Variants in RBL1 observed in about 807,000 individuals in gnomAD.
RBL1 encodes retinoblastoma-like protein 1.
RBL1 carries 82 observed loss-of-function variants against 123.0 expected under a neutral mutation model. That is an observed-to-expected ratio of 0.67 (90% CI 0.56 to 0.80). RBL1 has a LOEUF of 0.80. Among genes scored for constraint, RBL1 ranks in the 30% least tolerant of loss-of-function variants. RBL1 has a pLI of 0.00. For synonymous variants in RBL1, 405 were observed against 441.3 expected (o/e 0.92, Z 1.03); for missense variants, 1,171 against 1,299.6 (o/e 0.90, Z 1.52).
chr20:37,069,881 T>G (rs1269948276), intron 2 of RBL1, among the ~76,000 whole-genome samples: 1 of 147,530 alleles, frequency 6.8e-6, no homozygotes, highest in Non-Finnish European at 1.5e-5. Flanking sequence ...AGCCGCCCCG[T>G]CCAGGAGGTG....
intron 14 of RBL1, among the ~76,000 whole-genome samples, chr20:37,037,873 G>A (rs759289381): frequency 2.0e-5 from 3 of 151,778 alleles, no homozygotes; most frequent in Non-Finnish European, 4.4e-5. Flanking sequence ...TTTTACTAGG[G>A]ACCAGTTTTC....
At chr20:37,044,525 G>A (rs2064786360) in intron 12 of RBL1, among the ~76,000 whole-genome samples, 1 of 152,078 alleles carries the variant, frequency 6.6e-6, no homozygotes, top group Non-Finnish European at 1.5e-5. Context: ...TTTTAGTAGA[G>A]CCGAGGTTTC....
At chr20:37,074,340 G>A (rs566874510) in intron 2 of RBL1, among the ~76,000 whole-genome samples, 1 of 151,142 alleles carries the variant, frequency 6.6e-6, no homozygotes, top group African/African-American at 2.4e-5. Flanking sequence ...CTTGAGCCTG[G>A]GAGGTTGAGA....
At chr20:37,083,910 GA>G (rs970190999) in intron 2 of RBL1, among the ~76,000 whole-genome samples, 2 of 150,528 alleles carry the variant, frequency 1.3e-5, no homozygotes, top group African/African-American at 4.9e-5. Flanking sequence ...ATTTTTAATG[GA>G]TTTTTTTTTT....
chr20:37,023,222 A>G (rs2064371252), intron 16 of RBL1, among the ~76,000 whole-genome samples: 1 of 152,008 alleles, frequency 6.6e-6, no homozygotes, highest in African/African-American at 2.4e-5. Flanking sequence ...TCTGCATTCA[A>G]GCAATTCTCC....
In RBL1 at chr20:37,095,683, C is replaced by T. The variant is rs2065724289; in HGVS notation, c.156+90G>A. 7.2e-6 allele frequency: 9 copies of T among 1,252,206 alleles called. No homozygotes were observed. In the South Asian group the frequency reaches 1.6e-4, roughly 22 times the overall value. 77.6% of individuals were successfully genotyped at this position (1,252,206 alleles called of 1,614,324 possible). ...GCAGCGACCCTCCTAGGTGGGGAAA[C>T]TCCCACCACCCCATAGGCCGAGGAA... On this transcript the variant is annotated intron_variant, in intron 1 of 21. Transcript: ENST00000373664.
At chr20:37,000,878 C>T (rs1173193521) in intron 21 of RBL1, among the ~76,000 whole-genome samples, 1 of 143,276 alleles carries the variant, frequency 7.0e-6, no homozygotes, top group African/African-American at 2.6e-5. Flanking sequence ...CGGCCAGCCG[C>T]CCCGTCCAGG....
chr20:37,008,742 C>T (rs1373349694), intron 19 of RBL1, among the ~76,000 whole-genome samples: 1 of 150,220 alleles, frequency 6.7e-6, no homozygotes, highest in Admixed American at 6.6e-5. Context: ...CCAGAAAACA[C>T]AAACATGGTT....
intron 20 of RBL1, among the ~76,000 whole-genome samples, chr20:37,005,109 G>A (rs943485860): frequency 6.6e-6 from 1 of 151,816 alleles, no homozygotes; most frequent in African/African-American, 2.4e-5. Context: ...TCATATTCAT[G>A]CTTAAAAAGT....
chr20:37,033,434 C>T (rs6030887), intron 15 of RBL1, among the ~76,000 whole-genome samples: 90,973 of 151,466 alleles, frequency 0.6, 28,315 homozygotes, highest in African/African-American at 0.78. Flanking sequence ...CTGCCCTCCT[C>T]GGCCTCCCAA....
intron 20 of RBL1, among the ~76,000 whole-genome samples, chr20:37,004,485 G>A (rs1426803483): frequency 3.4e-5 from 5 of 148,914 alleles, no homozygotes; most frequent in Non-Finnish European, 7.5e-5. Context: ...GGCTGAGATG[G>A]GCGGATCACC....
At chr20:37,056,063 G>T in intron 10 of RBL1, 83 bp downstream of exon 10, 2 of 1,500,868 alleles carry the variant, frequency 1.3e-6, no homozygotes, top group East Asian at 4.9e-5. Flanking sequence ...TAAGAATAAC[G>T]GGAGAGGAAA....
chr20:37,054,486 A>T (rs952173362), intron 11 of RBL1, among the ~76,000 whole-genome samples: 2 of 151,840 alleles, frequency 1.3e-5, no homozygotes, highest in Non-Finnish European at 2.9e-5. Context: ...TACATCTAAA[A>T]AAATAAATAA....
At chr20:37,003,500 C>T (rs1041193992) in intron 21 of RBL1, 2 of 1,068,798 alleles carry the variant, frequency 1.9e-6, no homozygotes, top group African/African-American at 3.3e-5. Flanking sequence ...GTGAACTCCA[C>T]AAATACCATG....
Position 37,079,423 on chromosome 20 carries a change from A to G in RBL1, c.290+9566T>C, listed in dbSNP as rs2065414953. 2.7e-5 allele frequency among the ~76,000 whole-genome samples: 4 copies of G among 149,898 alleles called. No homozygotes were observed. The South Asian group carries it at 8.4e-4, about 32-fold the overall frequency. On this transcript the variant is annotated intron_variant, in intron 2 of 21. Coordinates refer to ENST00000373664, the MANE Select transcript of RBL1 (RefSeq NM_002895.5). ...ATATAGATACTTAGTTTTTGAGAAC[A>G]GGGGGCAGCCAGTTGAGATTTTTAG...
chr20:37,095,275 A>C (rs2065714875), intron 1 of RBL1, among the ~76,000 whole-genome samples: 1 of 151,882 alleles, frequency 6.6e-6, no homozygotes, highest in Admixed American at 6.6e-5. Context: ...AACGGCTCAG[A>C]CCCTGGGTCT....
At position 37,062,209 on chromosome 20, in the gene RBL1, T is replaced by G; in HGVS notation, c.958A>C (p.Ile320Leu). The G allele has an allele frequency of 6.2e-7, 1 of 1,614,180 alleles. No homozygotes were observed. Among genetic ancestry groups the G allele is most frequent in the Non-Finnish European group, 8.5e-7 (1 of 1,180,026 alleles). ...TCTTCTGCGTCTGCTCCCAAAAAGA[T>G]CCTCTCATCAAAATCACCAACAGTT... Reference protein sequence around the residue: ...VLTVGDFDERIFLGADAEEEI... With the variant: ...VLTVGDFDERLFLGADAEEEI... Residue 320 changes from isoleucine to leucine, a missense_variant, in exon 8 of 22, where the codon ATC becomes CTC. Ile to Leu is a conservative substitution (Grantham distance 5). Transcript: ENST00000373664.
chr20:37,066,935 TAA>T (rs1285765693), intron 5 of RBL1, 51 bp from the exon 6 acceptor site: 4 of 1,595,674 alleles, frequency 2.5e-6, no homozygotes, highest in Non-Finnish European at 1.7e-6. Context: ...AGTCAACTTT[TAA>T]AAATCTTTTT....
rs1310347804 is a variant in RBL1, at chr20:37,003,883, G to C, written c.2872-17C>G. 4 of 1,572,508 alleles carry C rather than the reference G, an allele frequency of 2.5e-6. No individual in the cohort carries two copies. Among genetic ancestry groups the C allele is most frequent in the Non-Finnish European group, 3.4e-6 (4 of 1,161,838 alleles). ...AGCATCCATCTAAAATAACCCAAAA[G>C]TCAGATTTTTTAGATAAAAGTTTTT... On this transcript the variant is annotated splice_polypyrimidine_tract_variant and intron_variant, in intron 20 of 21. Coordinates refer to ENST00000373664, the MANE Select transcript of RBL1 (RefSeq NM_002895.5).
Sources: gnomAD v4.1 joint callset for allele counts (sites outside exome capture counted in the v4.1 genomes callset) on GRCh38, gnomAD v4.1.1 for gene constraint, MANE v1.5 for transcripts, NCBI Gene and HGNC (gene_info 2026-07-23, HGNC 2026-07-21) for gene names.